The following ADAMTS18 variants were observed in gnomAD, a reference collection of about 807,000 sequenced individuals.
The protein encoded by ADAMTS18 is ADAM metallopeptidase with thrombospondin type 1 motif 18.
Under a neutral mutation model 165.9 loss-of-function variants are expected in ADAMTS18, and 157 were observed. That is an observed-to-expected ratio of 0.95 (90% CI 0.83 to 1.08). ADAMTS18 has a LOEUF of 1.08. Ranked by LOEUF, ADAMTS18 falls within the 50% of genes least tolerant of loss-of-function variation. The pLI is 0.00. For synonymous variants in ADAMTS18, 782 were observed against 578.2 expected (o/e 1.35, Z -5.06); for missense variants, 2,040 against 1,534.0 (o/e 1.33, Z -5.51).
At chr16:77,342,235 T>C (rs12051395) in intron 10 of ADAMTS18, among the ~76,000 whole-genome samples, 13,401 of 152,268 alleles carry the variant, frequency 0.088, 807 homozygotes, top group East Asian at 0.27. Flanking sequence ...TTCTCACCTG[T>C]ACAATAGCGA....
intron 3 of ADAMTS18, among the ~76,000 whole-genome samples, chr16:77,393,755 T>C (rs994187802): frequency 6.6e-6 from 1 of 152,236 alleles, no homozygotes; most frequent in African/African-American, 2.4e-5. Context: ...TACCCTGTTA[T>C]GGCAGCCCAA....
intron 3 of ADAMTS18, among the ~76,000 whole-genome samples, chr16:77,425,507 C>A (rs2057660185): frequency 6.6e-6 from 1 of 152,178 alleles, no homozygotes; most frequent in South Asian, 2.1e-4. Flanking sequence ...TAAACTCACC[C>A]ATGTATTACA....
At chr16:77,424,428 A>G (rs2057645238) in intron 3 of ADAMTS18, among the ~76,000 whole-genome samples, 1 of 151,012 alleles carries the variant, frequency 6.6e-6, no homozygotes, top group Non-Finnish European at 1.5e-5. Context: ...AGATCATGCC[A>G]TTGCACTCCA....
At chr16:77,379,397 C>A (rs759670551) in intron 3 of ADAMTS18, among the ~76,000 whole-genome samples, 1 of 152,212 alleles carries the variant, frequency 6.6e-6, no homozygotes, top group Admixed American at 6.5e-5. Flanking sequence ...GCTGGGAGAA[C>A]TAAGCAAAGT....
At chr16:77,400,424 T>TTGTGTGTGTGTGTGTGTGTGTGTGTG (rs145473637) in intron 3 of ADAMTS18, among the ~76,000 whole-genome samples, 16 of 136,042 alleles carry the variant, frequency 1.2e-4, no homozygotes, top group Middle Eastern at 3.5e-3. Flanking sequence ...TCAGGGGGAA[T>TTGTGTGTGTGTGTGTGTGTGTGTGTG]TGTGTGTGTG....
chr16:77,282,850 A>C lies in ADAMTS18; in HGVS notation c.*1106T>G, dbSNP rs2055171707. On this transcript the variant is annotated 3_prime_UTR_variant, in exon 23 of 23. Coordinates refer to ENST00000282849, the MANE Select transcript of ADAMTS18 (RefSeq NM_199355.4). ...CATATTATGATTTATTAATATTAAC[A>C]TAGCAAGAAGACAGATGGATTTTTT... 1 of 151,746 alleles carries C rather than the reference A, an allele frequency of 6.6e-6. No individual in the cohort carries two copies. The highest frequency in any genetic ancestry group is 1.5e-5 in the Non-Finnish European group (1 of 67,924). 9.4% of individuals were successfully genotyped at this position (151,746 alleles called of 1,614,324 possible).
At chr16:77,374,279 C>G (rs2056919068) in intron 3 of ADAMTS18, among the ~76,000 whole-genome samples, 1 of 151,522 alleles carries the variant, frequency 6.6e-6, no homozygotes, top group African/African-American at 2.4e-5. Context: ...GGAGGTGATG[C>G]TGAAGGCATG....
At chr16:77,388,059 G>A (rs540074387) in intron 3 of ADAMTS18, among the ~76,000 whole-genome samples, 1 of 152,300 alleles carries the variant, frequency 6.6e-6, no homozygotes, top group South Asian at 2.1e-4. Flanking sequence ...GGTAGAAGCT[G>A]TAGGCACTAC....
intron 10 of ADAMTS18, among the ~76,000 whole-genome samples, chr16:77,344,155 G>GTGTATATATA (rs369058375): frequency 9.3e-5 from 13 of 140,258 alleles, no homozygotes; most frequent in African/African-American, 3.2e-4. Context: ...ATGTGTGTGT[G>GTGTATATATA]TATATATATA....
chr16:77,322,252 T>C, intron 14 of ADAMTS18, 84 bp downstream of exon 14: 1 of 1,402,854 alleles, frequency 7.1e-7, no homozygotes. Context: ...AGACACACAA[T>C]CTCTCACACC....
Position 77,341,719 on chromosome 16 carries a change from A to T in ADAMTS18, c.1695T>A (p.Val565=), listed in dbSNP as rs781333234. Reference sequence around the variant, plus strand: ...TGCAGTTTACCATACTCAAGCCACAAACGGTCCCTTCTGCTGCGGGCATAA... The same window carrying T: ...TGCAGTTTACCATACTCAAGCCACATACGGTCCCTTCTGCTGCGGGCATAA... ...TKFMPAAEGT[V]CGLSMWCRQG... Residue 565 remains valine (V), a synonymous_variant, in exon 11 of 23, where the codon GTT becomes GTA. Transcript: ENST00000282849. The T allele has an allele frequency of 6.2e-7, 1 of 1,613,666 alleles. No individual in the cohort carries two copies. The highest frequency in any genetic ancestry group is 8.5e-7 in the Non-Finnish European group (1 of 1,179,792).
chr16:77,434,888 T>C lies in ADAMTS18; in HGVS notation c.-193A>G, dbSNP rs2057778906. On this transcript the variant is annotated 5_prime_UTR_variant, in exon 1 of 23. Transcript: ENST00000282849. ...CCGGCCGCCTGCGCGCCCTCCCTTC[T>C]CCCGGCGCGGGCCTGCCGAGCTGCA... is the stretch of plus-strand genomic sequence containing the variant. 2.3e-6 allele frequency: 1 copy of C among 431,608 alleles called. No individual in the cohort carries two copies. The highest frequency in any genetic ancestry group is 3.9e-6 in the Non-Finnish European group (1 of 257,272). 26.7% of individuals were successfully genotyped at this position (431,608 alleles called of 1,614,324 possible).
chr16:77,287,851 T>C (rs1369711830), intron 22 of ADAMTS18, among the ~76,000 whole-genome samples: 1 of 152,154 alleles, frequency 6.6e-6, no homozygotes, highest in East Asian at 1.9e-4. Context: ...GAACTGACCA[T>C]CACTGTAACA....
At chr16:77,361,116 A>C (rs2056706895) in intron 7 of ADAMTS18, among the ~76,000 whole-genome samples, 1 of 152,168 alleles carries the variant, frequency 6.6e-6, no homozygotes, top group East Asian at 1.9e-4. Flanking sequence ...ATAAAGTTTT[A>C]TTAAAACACA....
intron 19 of ADAMTS18, among the ~76,000 whole-genome samples, chr16:77,294,478 C>T (rs1348776231): frequency 6.6e-6 from 1 of 152,198 alleles, no homozygotes; most frequent in African/African-American, 2.4e-5. Context: ...TTATGGCTTT[C>T]ACTGGGAATT....
chr16:77,337,259 G>A (rs1303332129), intron 11 of ADAMTS18, among the ~76,000 whole-genome samples: 3 of 152,182 alleles, frequency 2.0e-5, no homozygotes, highest in Non-Finnish European at 2.9e-5. Flanking sequence ...CTTTTCTACC[G>A]GGAATCACGA....
At chr16:77,400,481 T>TG (rs1491498451) in intron 3 of ADAMTS18, among the ~76,000 whole-genome samples, 16 of 109,732 alleles carry the variant, frequency 1.5e-4, no homozygotes, top group African/African-American at 3.4e-4. Flanking sequence ...TGTGTGTGTG[T>TG]TTTGTTTTTT....
In ADAMTS18 at chr16:77,335,997, G is replaced by T. The variant is rs2056305074; in HGVS notation, c.1711-93C>A. The T allele has an allele frequency of 2.4e-5, 36 of 1,498,738 alleles. No homozygotes were observed. In the South Asian group the frequency reaches 3.6e-4, roughly 15 times the overall value. 92.8% of individuals were successfully genotyped at this position (1,498,738 alleles called of 1,614,324 possible). A position where few individuals can be genotyped will look rare whatever the true frequency, so the allele number is the denominator to read the frequency against. ...ACCTGCACAGTAACAGGAAAAACAG[G>T]TCTGTTGGGAGAAAAGGAAAATGCC... is the stretch of plus-strand genomic sequence containing the variant. On this transcript the variant is annotated intron_variant, in intron 11 of 22. Transcript: ENST00000282849.
At chr16:77,379,307 A>G (rs899483115) in intron 3 of ADAMTS18, among the ~76,000 whole-genome samples, 8 of 152,212 alleles carry the variant, frequency 5.3e-5, no homozygotes, top group African/African-American at 1.7e-4. Flanking sequence ...AAAAGCAGCA[A>G]CAATCTCTTT....
Sources: gnomAD v4.1 joint callset for allele counts (sites outside exome capture counted in the v4.1 genomes callset) on GRCh38, gnomAD v4.1.1 for gene constraint, MANE v1.5 for transcripts, NCBI Gene and HGNC (gene_info 2026-07-23, HGNC 2026-07-21) for gene names.